Variants in SIN3A observed in about 807,000 individuals in gnomAD.
SIN3A encodes the protein paired amphipathic helix protein Sin3a.
Under a neutral mutation model 146.1 loss-of-function variants are expected in SIN3A, and 14 were observed. The observed-to-expected ratio is 0.10, with a 90% CI of 0.06 to 0.15. The LOEUF (loss-of-function observed/expected upper bound fraction) is 0.15. Among genes scored for constraint, SIN3A ranks in the 10% least tolerant of loss-of-function variants. The probability of loss-of-function intolerance (pLI) is 1.00; values close to 1 mark genes in which losing one functional copy is unlikely to be tolerated. For synonymous variants in SIN3A, 572 were observed against 572.0 expected (o/e 1.00, Z 0.00); for missense variants, 1,028 against 1,576.0 (o/e 0.65, Z 5.89).
At chr15:75,444,638 G>A (rs890066048) in intron 1 of SIN3A, among the ~76,000 whole-genome samples, 1 of 152,180 alleles carries the variant, frequency 6.6e-6, no homozygotes, top group Non-Finnish European at 1.5e-5. Context: ...GGAGGCCGAG[G>A]TGGGCAGACT....
chr15:75,433,713 G>C (rs957222892), intron 1 of SIN3A, among the ~76,000 whole-genome samples: 4 of 152,092 alleles, frequency 2.6e-5, no homozygotes, highest in African/African-American at 9.7e-5. Context: ...GGGAGGCTGA[G>C]GCAGGAGAAT....
chr15:75,454,924 G>A (rs1355912082), upstream of SIN3A: 4 of 152,236 alleles, frequency 2.6e-5, no homozygotes, highest in Non-Finnish European at 4.4e-5. Context: ...GCTGGGTCGC[G>A]GCCTGACGGG....
At chr15:75,413,662 G>A (rs556629556) in intron 4 of SIN3A, among the ~76,000 whole-genome samples, 2 of 151,642 alleles carry the variant, frequency 1.3e-5, no homozygotes, top group East Asian at 3.9e-4. Context: ...TCCTGCCTCA[G>A]CCTCCCAAGT....
chr15:75,399,607 C>T (rs769578915), intron 12 of SIN3A, among the ~76,000 whole-genome samples: 3 of 152,122 alleles, frequency 2.0e-5, no homozygotes, highest in Admixed American at 6.5e-5. Context: ...AAGAAAAATG[C>T]CAGTTCTCAG....
At position 75,381,803 on chromosome 15, in the gene SIN3A, A is replaced by T. The variant is rs2072977302; in HGVS notation, c.3196-98T>A. ...AGGTGCAGAGGCAATAAACTTAGTA[A>T]ACTTTGCTCCAACTGAAGAGATGAG... On this transcript the variant is annotated intron_variant, in intron 17 of 20. Transcript: ENST00000394947. The T allele has an allele frequency of 2.4e-5, 25 of 1,036,586 alleles. No homozygotes were observed. In the South Asian group the frequency reaches 3.5e-4, roughly 15 times the overall value. 64.2% of individuals were successfully genotyped at this position (1,036,586 alleles called of 1,614,324 possible).
intron 3 of SIN3A, chr15:75,421,671 T>C (rs2073842172): frequency 6.6e-6 from 1 of 152,232 alleles, no homozygotes; most frequent in South Asian, 2.1e-4. Flanking sequence ...GCAACATAAG[T>C]AGGTTGCAAT....
chr15:75,414,720 C>G (rs2073702216), intron 3 of SIN3A, among the ~76,000 whole-genome samples: 1 of 152,146 alleles, frequency 6.6e-6, no homozygotes, highest in South Asian at 2.1e-4. Context: ...CAGTGGGTAA[C>G]CCGGTAATCA....
At position 75,377,108 on chromosome 15, in the gene SIN3A, CTG is replaced by C. The variant is rs754256095; in HGVS notation, c.3384-1238_3384-1237del. On this transcript the variant is annotated intron_variant, in intron 19 of 20. Coordinates refer to ENST00000394947, the MANE Select transcript of SIN3A (RefSeq NM_001145358.2). ...CAAAAATGCTGGTGGTGGCGCCAAA[CTG>C]TATTTGCAATATCGAACAAATTGTT... Among the ~76,000 whole-genome samples, 40 of 152,278 alleles carry C rather than the reference CTG, an allele frequency of 2.6e-4. 1 individual carries two copies. The highest frequency in any genetic ancestry group is 2.0e-3 in the Admixed American group (31 of 15,294).
chr15:75,409,690 G>A, intron 8 of SIN3A, 146 bp downstream of exon 8: 1 of 807,120 alleles, frequency 1.2e-6, no homozygotes, highest in Non-Finnish European at 2.0e-6. Context: ...TCGTGCCACT[G>A]CACTCCAGCT....
At position 75,375,655 on chromosome 15, in the gene SIN3A, T is replaced by C. The variant is rs756438000; in HGVS notation, c.3591+10A>G. Reference sequence around the variant, plus strand: ...AGATGTGTACAGAAATTTCAGTTACTGGTTCTCACCTGATGAGCCCGGAGC... The same window carrying C: ...AGATGTGTACAGAAATTTCAGTTACCGGTTCTCACCTGATGAGCCCGGAGC... On this transcript the variant is annotated intron_variant, in intron 20 of 20. Coordinates refer to ENST00000394947, the MANE Select transcript of SIN3A (RefSeq NM_001145358.2). The C allele has an allele frequency of 2.5e-6, 4 of 1,611,608 alleles. No individual in the cohort carries two copies. The highest frequency in any genetic ancestry group is 3.4e-6 in the Non-Finnish European group (4 of 1,177,782).
chr15:75,419,812 G>C (rs1055585619), intron 3 of SIN3A: 7 of 152,064 alleles, frequency 4.6e-5, no homozygotes, highest in African/African-American at 1.7e-4. Flanking sequence ...GCAGCAGAGT[G>C]AGACTCTGTC....
intron 1 of SIN3A, among the ~76,000 whole-genome samples, chr15:75,450,223 G>T (rs1256936217): frequency 1.3e-5 from 2 of 150,790 alleles, no homozygotes; most frequent in African/African-American, 4.9e-5. Flanking sequence ...GACCAGTTTT[G>T]AGATTAAAAT....
intron 3 of SIN3A, 83 bp downstream of exon 3, chr15:75,422,564 G>T: frequency 6.9e-7 from 1 of 1,454,090 alleles, no homozygotes; most frequent in Non-Finnish European, 9.7e-7. Context: ...GTTAGAAGTT[G>T]TACCACCACA....
chr15:75,452,994 A>G (rs980679408), upstream of SIN3A: 5 of 152,228 alleles, frequency 3.3e-5, no homozygotes, highest in Admixed American at 3.3e-4. Flanking sequence ...TTATTTATTC[A>G]CCAAATAGGG....
intron 14 of SIN3A, among the ~76,000 whole-genome samples, chr15:75,394,444 A>G (rs988154237): frequency 3.9e-5 from 6 of 152,234 alleles, no homozygotes; most frequent in Admixed American, 6.5e-5. Flanking sequence ...GGCAGGAGGT[A>G]TAAGTTGAAA....
intron 12 of SIN3A, among the ~76,000 whole-genome samples, chr15:75,397,716 T>C (rs1266100911): frequency 2.0e-5 from 3 of 152,186 alleles, no homozygotes; most frequent in South Asian, 2.1e-4. Context: ...CTTAAACACA[T>C]GCACACCCCA....
At position 75,372,158 on chromosome 15, in the gene SIN3A, C is replaced by T. The variant is rs757810589; in HGVS notation, c.3643G>A (p.Asp1215Asn). ...RLHQRFQAWV[D>N]KWTKEHVPRE... ...GGCACATGCTCCTTGGTCCATTTAT[C>T]TACCCAGGCCTGGAATCTCTGATGT... Residue 1215 changes from aspartate (D) to asparagine (N), a missense_variant, in exon 21 of 21, where the codon GAT (aspartate) becomes AAT (asparagine). Transcript: ENST00000394947. 1.3e-4 allele frequency: 209 copies of T among 1,613,986 alleles called. No individual in the cohort carries two copies. The highest frequency in any genetic ancestry group is 1.7e-4 in the Non-Finnish European group (200 of 1,179,998).
chr15:75,372,918 A>G (rs1202659194), intron 20 of SIN3A, among the ~76,000 whole-genome samples: 1 of 151,844 alleles, frequency 6.6e-6, no homozygotes, highest in East Asian at 1.9e-4. Flanking sequence ...ATTCTAATGT[A>G]TCCTGGGTAG....
At chr15:75,377,768 T>C (rs2072889878) in intron 19 of SIN3A, among the ~76,000 whole-genome samples, 1 of 152,178 alleles carries the variant, frequency 6.6e-6, no homozygotes, top group Admixed American at 6.5e-5. Flanking sequence ...TAAAGTACAA[T>C]GGTATTCTTA....
Sources: gnomAD v4.1 joint callset for allele counts (sites outside exome capture counted in the v4.1 genomes callset) on GRCh38, gnomAD v4.1.1 for gene constraint, MANE v1.5 for transcripts, NCBI Gene and HGNC (gene_info 2026-07-23, HGNC 2026-07-21) for gene names.